Variants in SPMAP2 observed in about 807,000 individuals in gnomAD.
The protein encoded by SPMAP2 is sperm microtubule associated protein 2, also known as Theg homolog.
the SPMAP2 span, among the ~76,000 whole-genome samples, chr19:370,445 G>T: frequency 6.6e-6 from 1 of 151,326 alleles, no homozygotes; most frequent in Non-Finnish European, 1.5e-5. Flanking sequence ...GGGTTCAAGC[G>T]ATTCTCCTGC....
chr19:363,266 C>T, the SPMAP2 span, among the ~76,000 whole-genome samples: 1 of 151,968 alleles, frequency 6.6e-6, no homozygotes, highest in Admixed American at 6.6e-5. Flanking sequence ...GATCTCGGCT[C>T]ACTGCAACCT....
chr19:375,767 C>T, the SPMAP2 span: 1 of 1,610,216 alleles, frequency 6.2e-7, no homozygotes. Flanking sequence ...CCCCGGCCAC[C>T]TCCTCGGGGG....
chr19:362,302 C>T, the SPMAP2 span: 15 of 1,609,102 alleles, frequency 9.3e-6, no homozygotes, highest in South Asian at 1.5e-4. Context: ...CGTTGAGGCC[C>T]TTGCGCACTT....
chr19:362,687 A>C, the SPMAP2 span, among the ~76,000 whole-genome samples: 1 of 148,548 alleles, frequency 6.7e-6, no homozygotes, highest in Admixed American at 6.8e-5. Flanking sequence ...GATGGCTTGA[A>C]CTTGGGAGGC....
At chr19:373,901 C>G in the SPMAP2 span, 1 of 1,596,508 alleles carries the variant, frequency 6.3e-7, no homozygotes, top group African/African-American at 1.3e-5. Context: ...ACACGTGTCC[C>G]CCAGCATAGG....
At chr19:375,056 T>A in the SPMAP2 span, among the ~76,000 whole-genome samples, 68 of 152,062 alleles carry the variant, frequency 4.5e-4, no homozygotes, top group Middle Eastern at 3.4e-3. Context: ...GAAACCACGG[T>A]GAGAAGGGGG....
the SPMAP2 span, chr19:373,656 G>T: frequency 4.8e-6 from 4 of 834,430 alleles, no homozygotes; most frequent in African/African-American, 6.9e-5. Flanking sequence ...GAGGGGGTAG[G>T]CCAGAGAAGG....
the SPMAP2 span, among the ~76,000 whole-genome samples, chr19:375,310 T>G: frequency 6.6e-5 from 10 of 152,274 alleles, no homozygotes; most frequent in African/African-American, 2.4e-4. Flanking sequence ...TTTTTCCCAT[T>G]TCTTATTCTC....
chr19:372,661 C>T, the SPMAP2 span: 1 of 1,614,040 alleles, frequency 6.2e-7, no homozygotes, highest in Admixed American at 1.7e-5. Context: ...CAGGTAGAAT[C>T]TCTTGGGCCG....
chr19:367,193 G>A, the SPMAP2 span: 9 of 1,606,024 alleles, frequency 5.6e-6, no homozygotes, highest in South Asian at 8.9e-5. Context: ...GCTGGGGACT[G>A]CCATTTGGGC....
chr19:373,595 C>T, the SPMAP2 span: 1 of 1,546,168 alleles, frequency 6.5e-7, no homozygotes, highest in East Asian at 2.3e-5. Flanking sequence ...CGGAAACAAG[C>T]CTGGGTCTCT....
chr19:369,926 G>A, the SPMAP2 span, among the ~76,000 whole-genome samples: 2 of 152,188 alleles, frequency 1.3e-5, no homozygotes, highest in Non-Finnish European at 2.9e-5. Flanking sequence ...AGTTACTTCA[G>A]GCCATCTGGA....
At chr19:375,603 A>C in the SPMAP2 span, 2 of 1,445,292 alleles carry the variant, frequency 1.4e-6, no homozygotes, top group East Asian at 2.5e-5. Flanking sequence ...CCCTCCCCCC[A>C]CTGCCAGGGG....
chr19:372,691 C>CG, the SPMAP2 span: 1 of 1,614,002 alleles, frequency 6.2e-7, no homozygotes, highest in East Asian at 2.2e-5. Context: ...CTCCACGCGG[C>CG]GGGACACCGC....
the SPMAP2 span, chr19:362,152 CAT>C: frequency 1.0e-5 from 14 of 1,357,498 alleles, no homozygotes; most frequent in African/African-American, 1.5e-5. Flanking sequence ...AGAATAATCA[CAT>C]ACACAGGGTT....
the SPMAP2 span, chr19:373,908 T>A: frequency 9.4e-6 from 15 of 1,599,452 alleles, no homozygotes; most frequent in Non-Finnish European, 1.3e-5. Flanking sequence ...TCCCCCAGCA[T>A]AGGCACACGG....
At chr19:363,726 G>C in the SPMAP2 span, among the ~76,000 whole-genome samples, 3 of 150,886 alleles carry the variant, frequency 2.0e-5, no homozygotes, top group Non-Finnish European at 3.0e-5. Context: ...GTAGAGACAG[G>C]GTTTCACCAT....
chr19:367,008 G>A, the SPMAP2 span: 2 of 1,576,524 alleles, frequency 1.3e-6, no homozygotes, highest in Non-Finnish European at 1.7e-6. Context: ...GGTATAAGGT[G>A]TCCCTTGGGA....
the SPMAP2 span, among the ~76,000 whole-genome samples, chr19:364,156 A>AC: frequency 2.7e-5 from 4 of 149,250 alleles, no homozygotes; most frequent in Non-Finnish European, 4.5e-5. Context: ...ACACGGTGAA[A>AC]TCCCATCTCT....
Sources: gnomAD v4.1 joint callset for allele counts (sites outside exome capture counted in the v4.1 genomes callset) on GRCh38, gnomAD v4.1.1 for gene constraint, MANE v1.5 for transcripts, NCBI Gene and HGNC (gene_info 2026-07-23, HGNC 2026-07-21) for gene names.